MDGA2: variants seen among roughly 807,000 people sequenced by gnomAD.
MDGA2 encodes the protein MAM domain-containing glycosylphosphatidylinositol anchor protein 2.
Under a neutral mutation model 117.8 loss-of-function variants are expected in MDGA2, and 40 were observed. The ratio of observed to expected loss-of-function variants is 0.34; its 90% confidence interval spans 0.26 to 0.44. MDGA2 has a LOEUF of 0.44. MDGA2 is among the 20% of genes least tolerant of loss of function. The pLI is 1.00. For synonymous variants in MDGA2, 452 were observed against 439.0 expected (o/e 1.03, Z -0.37); for missense variants, 1,123 against 1,250.6 (o/e 0.90, Z 1.54).
intron 7 of MDGA2, among the ~76,000 whole-genome samples, chr14:47,049,520 G>GT (rs980900528): frequency 1.3e-5 from 2 of 151,748 alleles, no homozygotes; most frequent in African/African-American, 4.8e-5. Context: ...ATTTTTAATT[G>GT]TTTTTTCTTC....
chr14:47,497,955 C>G (rs1422227478), intron 1 of MDGA2, among the ~76,000 whole-genome samples: 11 of 152,156 alleles, frequency 7.2e-5, no homozygotes, highest in Admixed American at 7.2e-4. Context: ...ATCACAAACA[C>G]TATGTCTGAA....
intron 5 of MDGA2, among the ~76,000 whole-genome samples, chr14:47,120,810 C>T (rs1368917662): frequency 6.6e-6 from 1 of 152,150 alleles, no homozygotes; most frequent in Non-Finnish European, 1.5e-5. Context: ...ACTGGATACA[C>T]TATCCCTACA....
chr14:47,179,995 C>T (rs1884633363), intron 3 of MDGA2, among the ~76,000 whole-genome samples: 1 of 143,946 alleles, frequency 6.9e-6, no homozygotes, highest in Non-Finnish European at 1.6e-5. Context: ...CTTATTTACT[C>T]ATTATTTTAT....
chr14:47,068,756 A>G (rs572527094), intron 6 of MDGA2, among the ~76,000 whole-genome samples: 1 of 152,306 alleles, frequency 6.6e-6, no homozygotes, highest in African/African-American at 2.4e-5. Flanking sequence ...ACAAAATATA[A>G]TTCATTTGAA....
At chr14:47,010,948 A>C (rs1225409087) in intron 8 of MDGA2, among the ~76,000 whole-genome samples, 2 of 152,050 alleles carry the variant, frequency 1.3e-5, no homozygotes, top group East Asian at 3.8e-4. Context: ...TTTATTTTCC[A>C]TTAATATCCA....
In MDGA2 at chr14:47,289,304, TACACACACACAC is replaced by T. The variant is rs3039467; in HGVS notation, c.420+12095_420+12106del. The stretch of plus-strand genomic sequence containing the variant: ...ACAAATAACTCATACTTTCTGGACT[TACACACACACAC>T]ACACACACACACACACACACACGCA... On this transcript the variant is annotated intron_variant, in intron 2 of 16. Coordinates refer to ENST00000399232, the MANE Select transcript of MDGA2 (RefSeq NM_001113498.3). Among the ~76,000 whole-genome samples the T allele has an allele frequency of 8.5e-5, 12 of 140,616 alleles. No homozygotes were observed. The East Asian group carries it at 1.2e-3, about 15-fold the overall frequency. The allele number at this position is 140,616 out of a possible 152,430, so 92.2% of individuals were successfully genotyped here.
At chr14:46,873,195 ACCTG>A (rs1882085269) in intron 14 of MDGA2, 1 of 401,430 alleles carries the variant, frequency 2.5e-6, no homozygotes. Context: ...TTGATTGTCT[ACCTG>A]ATTTAGGATT....
chr14:47,615,905 G>A (rs1896940246), intron 1 of MDGA2, among the ~76,000 whole-genome samples: 1 of 152,236 alleles, frequency 6.6e-6, no homozygotes, highest in East Asian at 1.9e-4. Context: ...GGAACAATCT[G>A]AGCCTGAGCC....
Position 47,230,198 on chromosome 14 carries a change from T to C in MDGA2, c.421-12003A>G, listed in dbSNP as rs186061279. 3.2e-3 allele frequency among the ~76,000 whole-genome samples: 484 copies of C among 152,118 alleles called. 7 individuals carry two copies. The highest frequency in any genetic ancestry group is 9.1e-3 in the African/African-American group (380 of 41,550). On this transcript the variant is annotated intron_variant, in intron 2 of 16. Transcript: ENST00000399232. ...ATTGCTCTGTTCCAGTGTGCTCTAC[T>C]ACAGTCATATTTACATCTATTCATA...
intron 3 of MDGA2, among the ~76,000 whole-genome samples, chr14:47,186,104 T>A (rs1025981540): frequency 1.3e-5 from 2 of 151,542 alleles, no homozygotes; most frequent in Non-Finnish European, 3.0e-5. Flanking sequence ...CGGGGCCAAA[T>A]TAAACAAAAT....
At chr14:46,974,563 A>C (rs567560298) in intron 8 of MDGA2, among the ~76,000 whole-genome samples, 1 of 152,274 alleles carries the variant, frequency 6.6e-6, no homozygotes, top group African/African-American at 2.4e-5. Context: ...AGAACCCAGA[A>C]GTACCCCTTG....
At chr14:47,040,776 C>T (rs1889036785) in intron 7 of MDGA2, among the ~76,000 whole-genome samples, 1 of 152,166 alleles carries the variant, frequency 6.6e-6, no homozygotes. Flanking sequence ...GTATGTTTTA[C>T]CCATTTAACC....
At chr14:47,583,628 T>C (rs1896269280) in intron 1 of MDGA2, among the ~76,000 whole-genome samples, 1 of 151,864 alleles carries the variant, frequency 6.6e-6, no homozygotes, top group Non-Finnish European at 1.5e-5. Context: ...TTTTACATTA[T>C]GTCTGTTTAT....
chr14:47,324,565 C>T (rs1004584185), intron 1 of MDGA2, among the ~76,000 whole-genome samples: 1 of 152,066 alleles, frequency 6.6e-6, no homozygotes, highest in Non-Finnish European at 1.5e-5. Context: ...AATATTATCA[C>T]AAGAGTATTC....
At chr14:47,601,604 C>T (rs1163692195) in intron 1 of MDGA2, among the ~76,000 whole-genome samples, 1 of 152,104 alleles carries the variant, frequency 6.6e-6, no homozygotes, top group Non-Finnish European at 1.5e-5. Flanking sequence ...TTATTTAAAA[C>T]ATTTCTTATT....
chr14:47,560,716 TCCTA>T (rs1171405237), intron 1 of MDGA2, among the ~76,000 whole-genome samples: 7 of 152,238 alleles, frequency 4.6e-5, no homozygotes, highest in Non-Finnish European at 1.0e-4. Context: ...TTTAATTAGA[TCCTA>T]GTTGTCAATT....
intron 2 of MDGA2, among the ~76,000 whole-genome samples, chr14:47,240,662 GATT>G (rs1333593942): frequency 1.3e-5 from 2 of 151,788 alleles, no homozygotes; most frequent in East Asian, 1.9e-4. Flanking sequence ...AATAATTAAT[GATT>G]ATTACTATGT....
At chr14:47,589,012 C>A (rs1896386094) in intron 1 of MDGA2, among the ~76,000 whole-genome samples, 1 of 151,854 alleles carries the variant, frequency 6.6e-6, no homozygotes, top group Non-Finnish European at 1.5e-5. Context: ...AACTCTCCTG[C>A]CTTGTTTTTT....
chr14:47,648,889 CA>C (rs1897586143), intron 1 of MDGA2, among the ~76,000 whole-genome samples: 1 of 152,036 alleles, frequency 6.6e-6, no homozygotes, highest in South Asian at 2.1e-4. Flanking sequence ...CTTTAGAATA[CA>C]AACAGAAATG....
Sources: gnomAD v4.1 joint callset for allele counts (sites outside exome capture counted in the v4.1 genomes callset) on GRCh38, gnomAD v4.1.1 for gene constraint, MANE v1.5 for transcripts, NCBI Gene and HGNC (gene_info 2026-07-23, HGNC 2026-07-21) for gene names.